The following KIAA1549 variants were observed in gnomAD, a reference collection of about 807,000 sequenced individuals.
KIAA1549 encodes UPF0606 protein KIAA1549.
In KIAA1549, 70 loss-of-function variants were observed where a neutral mutation model predicts 156.4. The observed-to-expected ratio is 0.45, with a 90% CI of 0.37 to 0.55. The LOEUF (loss-of-function observed/expected upper bound fraction) is 0.55, where lower values mean the gene tolerates loss of function less well. Among genes scored for constraint, KIAA1549 ranks in the 20% least tolerant of loss-of-function variants. KIAA1549 has a pLI of 0.00. For missense variants in KIAA1549, 2,428 were observed against 2,540.9 expected (o/e 0.96, Z 0.96); for synonymous variants, 1,103 against 1,066.4 (o/e 1.03, Z -0.67).
intron 18 of KIAA1549, 68 bp downstream of exon 18, chr7:138,844,249 C>G: frequency 6.3e-7 from 1 of 1,584,256 alleles, no homozygotes; most frequent in Non-Finnish European, 8.6e-7. Flanking sequence ...TCTGAGACAC[C>G]TAAAATAAAG....
rs183956497 is a variant in KIAA1549 at position 138,840,145 on chromosome 7, C to A, written c.5586G>T (p.Gly1862=). The A allele has an allele frequency of 3.2e-6, 5 of 1,552,200 alleles. No homozygotes were observed. In the African/African-American group the frequency reaches 4.1e-5, roughly 13 times the overall value. Residue 1862 remains glycine (G), a synonymous_variant, in exon 19 of 20, where the codon GGG becomes GGT. Coordinates refer to ENST00000422774, the MANE Select transcript of KIAA1549 (RefSeq NM_001164665.2). ...AGGAGATACTCACGGCCTCTCTTCG[C>A]CCCGCTTCGTCCTCCCCGTACGAAG... ...GWPSYGEDEA[G]RREATHMLGH... is the part of the protein sequence containing the mutation.
intron 1 of KIAA1549, among the ~76,000 whole-genome samples, chr7:138,932,193 T>C (rs1195947681): frequency 6.6e-6 from 1 of 152,236 alleles, no homozygotes; most frequent in African/African-American, 2.4e-5. Context: ...GCATGCTCTA[T>C]GAACAGTCAA....
chr7:138,977,971 A>T lies in KIAA1549; in HGVS notation c.187+3112T>A, dbSNP rs537251097. On this transcript the variant is annotated intron_variant, in intron 1 of 19. Transcript: ENST00000422774. Reference sequence around the variant, plus strand: ...CACCTCGGCTTCCCAAAGTGCTGGGATTACAGGCGTGAGCCAGCGCGCATG... The same window carrying T: ...CACCTCGGCTTCCCAAAGTGCTGGGTTTACAGGCGTGAGCCAGCGCGCATG... Among the ~76,000 whole-genome samples, 14 of 152,346 alleles carry T rather than the reference A, an allele frequency of 9.2e-5. No homozygotes were observed. The East Asian group carries it at 2.7e-3, about 29-fold the overall frequency.
At chr7:138,973,154 TACAAAC>T (rs1324262195) in intron 1 of KIAA1549, among the ~76,000 whole-genome samples, 1 of 152,176 alleles carries the variant, frequency 6.6e-6, no homozygotes, top group African/African-American at 2.4e-5. Context: ...TCTTGAAGCC[TACAAAC>T]ACAATCAAGT....
intron 16 of KIAA1549, among the ~76,000 whole-genome samples, chr7:138,858,231 C>T (rs1273074165): frequency 6.6e-6 from 1 of 151,852 alleles, no homozygotes; most frequent in Non-Finnish European, 1.5e-5. Context: ...AGTGATCCTC[C>T]CACCTTAGCC....
chr7:138,872,771 G>A (rs1344874864), intron 12 of KIAA1549, among the ~76,000 whole-genome samples: 1 of 152,156 alleles, frequency 6.6e-6, no homozygotes, highest in African/African-American at 2.4e-5. Flanking sequence ...GGGCGTGGTG[G>A]CACATGCCTG....
intron 17 of KIAA1549, among the ~76,000 whole-genome samples, chr7:138,845,537 C>A (rs2130337231): frequency 6.6e-6 from 1 of 152,330 alleles, no homozygotes; most frequent in African/African-American, 2.4e-5. Flanking sequence ...TTTTCGTACT[C>A]TGTTACGCTA....
Position 138,978,490 on chromosome 7 carries a change from T to A in KIAA1549, c.187+2593A>T, listed in dbSNP as rs559984319. On this transcript the variant is annotated intron_variant, in intron 1 of 19. Coordinates refer to ENST00000422774, the MANE Select transcript of KIAA1549 (RefSeq NM_001164665.2). ...AGACCAAACTTGTAAATTTTTTTTT[T>A]AAAAAAACACACTCAAAATGCTGAA... 5.5e-4 allele frequency among the ~76,000 whole-genome samples: 80 copies of A among 145,352 alleles called. No individual in the cohort carries two copies. In the South Asian group the frequency reaches 0.01, roughly 19 times the overall value.
At chr7:138,891,020 C>T (rs925173928) in intron 10 of KIAA1549, among the ~76,000 whole-genome samples, 1 of 152,208 alleles carries the variant, frequency 6.6e-6, no homozygotes, top group South Asian at 2.1e-4. Context: ...CCTGGTGTCA[C>T]CTCCTTGAAG....
At position 138,979,356 on chromosome 7, in the gene KIAA1549, G is replaced by A. The variant is rs115763208; in HGVS notation, c.187+1727C>T. 8.3e-3 allele frequency among the ~76,000 whole-genome samples: 1,261 copies of A among 152,302 alleles called. 20 individuals carry two copies. The highest frequency in any genetic ancestry group is 0.029 in the African/African-American group (1,185 of 41,550). ...AGCACTTATATTCTCCACAACCTCT[G>A]CAGTACACCCAGATGGCCACATTCA... On this transcript the variant is annotated intron_variant, in intron 1 of 19. Transcript: ENST00000422774.
chr7:138,967,090 T>C (rs1431520258), intron 1 of KIAA1549, among the ~76,000 whole-genome samples: 2 of 152,102 alleles, frequency 1.3e-5, no homozygotes, highest in Non-Finnish European at 2.9e-5. Flanking sequence ...ACACATGATA[T>C]CATTAACTTT....
At chr7:138,932,506 G>T (rs916089970) in intron 1 of KIAA1549, among the ~76,000 whole-genome samples, 4 of 152,236 alleles carry the variant, frequency 2.6e-5, no homozygotes, top group African/African-American at 7.2e-5. Flanking sequence ...CAAATGCAGT[G>T]AGAAGCCACT....
chr7:138,925,389 A>G (rs948937888), intron 1 of KIAA1549, among the ~76,000 whole-genome samples: 1 of 152,138 alleles, frequency 6.6e-6, no homozygotes, highest in Non-Finnish European at 1.5e-5. Context: ...ATAAAGCTCA[A>G]AATAGCACCC....
At chr7:138,848,039 T>C (rs536784724) in intron 17 of KIAA1549, among the ~76,000 whole-genome samples, 13 of 152,366 alleles carry the variant, frequency 8.5e-5, no homozygotes, top group African/African-American at 3.1e-4. Flanking sequence ...ACATCGTTAT[T>C]TTGAAATTTA....
At chr7:138,849,742 A>G (rs913808345) in intron 17 of KIAA1549, among the ~76,000 whole-genome samples, 2 of 151,838 alleles carry the variant, frequency 1.3e-5, no homozygotes, top group African/African-American at 4.8e-5. Context: ...GTGGGCCCCA[A>G]TGTCTGTTGT....
chr7:138,900,640 T>A (rs1023255331), intron 8 of KIAA1549, among the ~76,000 whole-genome samples: 22 of 152,138 alleles, frequency 1.4e-4, no homozygotes, highest in African/African-American at 5.3e-4. Flanking sequence ...ATGGGAGGTA[T>A]CTGAGTCATG....
intron 2 of KIAA1549, among the ~76,000 whole-genome samples, 166 bp from the exon 3 acceptor site, chr7:138,912,626 GC>G (rs1409263724): frequency 6.6e-6 from 1 of 151,972 alleles, no homozygotes; most frequent in Non-Finnish European, 1.5e-5. Flanking sequence ...GGATCTAGTT[GC>G]TGCTAACTAC....
At chr7:138,923,593 C>A (rs1392475796) in intron 1 of KIAA1549, among the ~76,000 whole-genome samples, 1 of 148,316 alleles carries the variant, frequency 6.7e-6, no homozygotes. Context: ...GAGCGAGACT[C>A]CATCTCAAAA....
At position 138,861,367 on chromosome 7, in the gene KIAA1549, G is replaced by A. The variant is rs1435942648; in HGVS notation, c.5019C>T (p.Tyr1673=). The change falls in exon 16 of 20, where the codon TAC becomes TAT. Residue 1673 remains tyrosine, a synonymous_variant. Transcript: ENST00000422774. ...YPALPFPASQ[Y]IPPQPSIEEA... ...CCTCGATGGACGGCTGGGGTGGGAT[G>A]TACTGGGAGGCCGGGAAGGGAAGGG... The A allele has an allele frequency of 2.5e-6, 4 of 1,611,548 alleles. No individual in the cohort carries two copies. The highest frequency in any genetic ancestry group is 3.4e-6 in the Non-Finnish European group (4 of 1,179,228).
Sources: allele counts gnomAD v4.1 joint callset (sites outside exome capture counted in the v4.1 genomes callset), GRCh38; gene constraint gnomAD v4.1.1; transcripts MANE v1.5; gene names NCBI Gene and HGNC (gene_info 2026-07-23, HGNC 2026-07-21).